WIPF1: variants seen among roughly 807,000 people sequenced by gnomAD.
WIPF1 encodes WAS/WASL interacting protein family member 1.
Under a neutral mutation model 35.4 loss-of-function variants are expected in WIPF1, and 13 were observed. That is an observed-to-expected ratio of 0.37 (90% CI 0.24 to 0.58). WIPF1 has a LOEUF of 0.58. WIPF1 is among the 20% of genes least tolerant of loss of function. WIPF1 has a pLI of 0.74. For synonymous variants in WIPF1, 267 were observed against 266.3 expected (o/e 1.00, Z -0.02); for missense variants, 591 against 667.0 (o/e 0.89, Z 1.25).
Position 174,572,152 on chromosome 2 carries a change from G to A in WIPF1, c.653C>T (p.Thr218Ile), listed in dbSNP as rs1684883155. ...GGPRQPSPGP[T>I]PPPFPGNRGT... is the part of the protein sequence containing the mutation. ...GCGGTTTCCAGGGAAAGGGGGAGGA[G>A]TGGGCCCGGGGCTGGGCTGCCTGGG... Residue 218 changes from threonine to isoleucine, a missense_variant, in exon 5 of 8, where the codon ACT becomes ATT. Thr to Ile is a moderately conservative substitution (Grantham distance 89, BLOSUM62 -1). This residue lies in a region of WIPF1 where 471 missense variants were observed against 501.1 expected (regional missense o/e 0.94). Coordinates refer to ENST00000679041, the MANE Select transcript of WIPF1 (RefSeq NM_001375834.1). 2 of 1,613,388 alleles carry A rather than the reference G, an allele frequency of 1.2e-6. No individual in the cohort carries two copies. Among genetic ancestry groups the A allele is most frequent in the East Asian group, 4.5e-5 (2 of 44,880 alleles).
chr2:174,581,439 C>A lies in WIPF1; in HGVS notation c.52G>T (p.Ala18Ser), dbSNP rs772615450. The A allele has an allele frequency of 1.5e-5, 25 of 1,613,306 alleles. No individual in the cohort carries two copies. The highest frequency in any genetic ancestry group is 2.5e-6 in the Non-Finnish European group (3 of 1,179,758). The change falls in exon 3 of 8, where the codon GCC becomes TCC. Residue 18 changes from alanine to serine, a missense_variant and splice_region_variant. By Grantham distance (99) the Ala-to-Ser change is moderately conservative. This residue lies in a region of WIPF1 where 471 missense variants were observed against 501.1 expected (regional missense o/e 0.94). Coordinates refer to ENST00000679041, the MANE Select transcript of WIPF1 (RefSeq NM_001375834.1). ...APPPPPTFAL[A>S]NTEKPTLNKT... ...TTCAAGGTAGGCTTCTCTGTATTGG[C>A]CTGAAAGGGAGCCATACAAACAAGT...
intron 1 of WIPF1, among the ~76,000 whole-genome samples, chr2:174,591,218 G>A (rs896846852): frequency 2.6e-5 from 4 of 152,144 alleles, no homozygotes; most frequent in Admixed American, 6.5e-5. Context: ...TCTTGATCTT[G>A]GACTTCCAGC....
Position 174,679,304 on chromosome 2 carries a change from A to C in WIPF1, c.-39+3470T>G, listed in dbSNP as rs560495248. Among the ~76,000 whole-genome samples the C allele has an allele frequency of 2.0e-5, 3 of 152,224 alleles. No individual in the cohort carries two copies. The East Asian group carries it at 5.8e-4, about 29-fold the overall frequency. ...ACCAACGTGGTGAAACACCATCTCT[A>C]CTAAAAATACAAAAATTAGCCGGGC... On this transcript the variant is annotated intron_variant, in intron 1 of 8. Coordinates refer to the WIPF1 transcript ENST00000272746.
Position 174,571,639 on chromosome 2 carries a change from G to C in WIPF1, c.1129+37C>G, listed in dbSNP as rs779933877. On this transcript the variant is annotated intron_variant, in intron 5 of 7. Transcript: ENST00000679041. This position sits in a 1 kb window ranked among gnomAD's most constrained non-coding sequence, Gnocchi z 4.6. ...GATTATTGGTACATTTGGGCAGGCTGGGTTTTGGAAGCAACTCACTCCACG... is the reference window on the plus strand; with the variant it reads ...GATTATTGGTACATTTGGGCAGGCTCGGTTTTGGAAGCAACTCACTCCACG... 2.5e-6 allele frequency: 4 copies of C among 1,613,892 alleles called. No homozygotes were observed. The highest frequency in any genetic ancestry group is 3.4e-6 in the Non-Finnish European group (4 of 1,179,858).
At chr2:174,614,512 G>GAA (rs955754053) in intron 1 of WIPF1, among the ~76,000 whole-genome samples, 2 of 150,864 alleles carry the variant, frequency 1.3e-5, no homozygotes, top group African/African-American at 4.9e-5. Context: ...ACGTAAGTGA[G>GAA]AAAAAAAAAC....
chr2:174,574,985 A>G (rs763465032), intron 4 of WIPF1: 22 of 778,878 alleles, frequency 2.8e-5, no homozygotes, highest in Non-Finnish European at 4.6e-5. Flanking sequence ...TTACCCCCAA[A>G]GACACTGGGT....
intron 1 of WIPF1, among the ~76,000 whole-genome samples, chr2:174,610,802 G>A (rs941953113): frequency 6.6e-5 from 10 of 151,990 alleles, no homozygotes; most frequent in Admixed American, 3.9e-4. Context: ...TCCTGACCAC[G>A]GCTCCTCTCT....
In WIPF1 at chr2:174,560,819, T is replaced by G. The variant is rs557021071; in HGVS notation, c.*1728A>C. On this transcript the variant is annotated 3_prime_UTR_variant, in exon 8 of 8. Coordinates refer to ENST00000679041, the MANE Select transcript of WIPF1 (RefSeq NM_001375834.1). ...CCCATTTATTAGAACTCTAAGTTCT[T>G]TTGCTTTTATATAAATGAAACATTT... 4 of 152,718 alleles carry G rather than the reference T, an allele frequency of 2.6e-5. No individual in the cohort carries two copies. The highest frequency in any genetic ancestry group is 9.6e-5 in the African/African-American group (4 of 41,574). The allele number at this position is 152,718 out of a possible 1,614,324, so 9.5% of individuals were successfully genotyped here.
intron 1 of WIPF1, among the ~76,000 whole-genome samples, chr2:174,605,954 A>G (rs1686150048): frequency 6.6e-6 from 1 of 152,144 alleles, no homozygotes; most frequent in Admixed American, 6.5e-5. Context: ...GAGGTAACTT[A>G]CAGAGTTACA....
chr2:174,653,661 G>A (rs1166013796), intron 1 of WIPF1, among the ~76,000 whole-genome samples: 2 of 148,684 alleles, frequency 1.3e-5, no homozygotes, highest in African/African-American at 2.5e-5. Context: ...AGAATGGCGT[G>A]AACCTGGGAG....
At chr2:174,633,554 C>A (rs1167343392) in intron 1 of WIPF1, among the ~76,000 whole-genome samples, 5 of 152,242 alleles carry the variant, frequency 3.3e-5, no homozygotes, top group Non-Finnish European at 7.3e-5. Context: ...AATGTAGGAA[C>A]TTCCTTCTCT....
intron 4 of WIPF1, chr2:174,574,755 A>G: frequency 1.5e-6 from 1 of 649,326 alleles, no homozygotes; most frequent in Non-Finnish European, 2.8e-6. Context: ...TTTCAGATTT[A>G]GTGAGATTTG....
At chr2:174,619,833 T>G (rs938412217) in intron 1 of WIPF1, among the ~76,000 whole-genome samples, 1 of 151,730 alleles carries the variant, frequency 6.6e-6, no homozygotes, top group East Asian at 1.9e-4. Context: ...TCCCAGTTAC[T>G]TGGGAAGCTG....
intron 7 of WIPF1, among the ~76,000 whole-genome samples, chr2:174,565,688 GAGT>G (rs1684636834): frequency 6.6e-6 from 1 of 152,194 alleles, no homozygotes; most frequent in Non-Finnish European, 1.5e-5. Flanking sequence ...AGTAGGCTTT[GAGT>G]ACATGTAAGG....
upstream of WIPF1, among the ~76,000 whole-genome samples, chr2:174,602,469 G>A (rs748173428): frequency 3.3e-5 from 5 of 152,158 alleles, no homozygotes; most frequent in Non-Finnish European, 7.3e-5. Flanking sequence ...TTATAATACT[G>A]CATCCCGCAG....
At chr2:174,681,559 A>C (rs1688245243) in intron 1 of WIPF1, among the ~76,000 whole-genome samples, 1 of 152,246 alleles carries the variant, frequency 6.6e-6, no homozygotes, top group South Asian at 2.1e-4. Flanking sequence ...ATGAAGCTAC[A>C]GTATTGTTTT....
chr2:174,632,771 A>G (rs1419582862), intron 1 of WIPF1, among the ~76,000 whole-genome samples: 2 of 152,118 alleles, frequency 1.3e-5, no homozygotes, highest in African/African-American at 4.8e-5. Context: ...TTCTAACAAA[A>G]TAAAAAGATA....
chr2:174,561,929 A>T lies in WIPF1; in HGVS notation c.*618T>A. On this transcript the variant is annotated 3_prime_UTR_variant, in exon 8 of 8. Transcript: ENST00000679041. ...ATCTCATTAAAATTTTATGTTGATT[A>T]CAGGTTGAAATATTTTGGATGCATA... 1.2e-6 allele frequency: 1 copy of T among 827,906 alleles called. No homozygotes were observed. Among genetic ancestry groups the T allele is most frequent in the Non-Finnish European group, 1.8e-6 (1 of 543,272 alleles). 51.3% of individuals were successfully genotyped at this position (827,906 alleles called of 1,614,324 possible).
At chr2:174,630,920 C>T (rs1308147340) in intron 1 of WIPF1, among the ~76,000 whole-genome samples, 2 of 152,206 alleles carry the variant, frequency 1.3e-5, no homozygotes, top group Non-Finnish European at 2.9e-5. Flanking sequence ...CAAGTCCCCT[C>T]TGCATCCTTA....
Sources: gnomAD v4.1 joint callset for allele counts (sites outside exome capture counted in the v4.1 genomes callset) on GRCh38, gnomAD v4.1.1 for gene constraint, gnomAD v4.1.1 regional missense constraint, Gnocchi (gnomAD v3.1) non-coding constraint, MANE v1.5 for transcripts, NCBI Gene and HGNC (gene_info 2026-07-23, HGNC 2026-07-21) for gene names.